DNHD1: variants seen among roughly 807,000 people sequenced by gnomAD.
DNHD1 encodes the protein dynein heavy chain domain-containing protein 1.
DNHD1 carries 383 observed loss-of-function variants against 458.1 expected under a neutral mutation model. The observed-to-expected ratio is 0.84, with a 90% CI of 0.77 to 0.91. The LOEUF (loss-of-function observed/expected upper bound fraction) is 0.91, where lower values mean the gene tolerates loss of function less well. DNHD1 is among the 40% of genes least tolerant of loss of function. The probability of loss-of-function intolerance (pLI) is 0.00; values close to 1 mark genes in which losing one functional copy is unlikely to be tolerated. For synonymous variants in DNHD1, 2,203 were observed against 2,376.9 expected, an observed-to-expected ratio of 0.93 and a Z score of 2.13; for missense variants, 5,336 against 5,866.1, an observed-to-expected ratio of 0.91 and a Z score of 2.95.
chr11:6,527,719 T>A (rs531902279), intron 10 of DNHD1, among the ~76,000 whole-genome samples: 3 of 152,102 alleles, frequency 2.0e-5, no homozygotes, highest in Non-Finnish European at 4.4e-5. Context: ...GTGAGTACAG[T>A]TGGAGAAGAG....
chr11:6,566,867 G>C, intron 35 of DNHD1, 28 bp from the exon 36 acceptor site: 1 of 1,605,564 alleles, frequency 6.2e-7, no homozygotes, highest in Non-Finnish European at 8.5e-7. Flanking sequence ...GAAAGGGCCA[G>C]ATCCATCCAA....
chr11:6,562,826 A>G (rs1853613347), intron 28 of DNHD1, among the ~76,000 whole-genome samples, 156 bp from the exon 29 acceptor site: 1 of 152,118 alleles, frequency 6.6e-6, no homozygotes, highest in South Asian at 2.1e-4. Context: ...TAAGTGACAG[A>G]CCCAGAGCTC....
chr11:6,534,676 C>G (rs936409178), intron 14 of DNHD1, among the ~76,000 whole-genome samples: 5 of 152,166 alleles, frequency 3.3e-5, no homozygotes, highest in African/African-American at 1.2e-4. Flanking sequence ...TCAATTCTTT[C>G]ATACAGTGGT....
At position 6,567,007 on chromosome 11, in the gene DNHD1, G is replaced by T. The variant is rs1322522914; in HGVS notation, c.11498G>T (p.Cys3833Phe). 2.5e-6 allele frequency: 4 copies of T among 1,614,046 alleles called. No individual in the cohort carries two copies. In the East Asian group the frequency reaches 8.9e-5, roughly 36 times the overall value. The change falls in exon 36 of 43, where the codon TGT becomes TTT. Residue 3833 changes from cysteine (C) to phenylalanine (F), a missense_variant. Physicochemically the swap from Cys to Phe is radical, Grantham distance 205. Around this residue, in one of 4 missense-constraint regions of DNHD1, gnomAD observed 695 missense variants for 804.2 expected, o/e 0.86. Transcript: ENST00000254579. ...QGKLCQLRAH[C>F]EELEGQKLQE... ...AAGCTATGCCAGCTGCGTGCTCATT[G>T]TGAAGAGTTAGAAGGGCAGAAACTA... is the stretch of plus-strand genomic sequence containing the variant.
chr11:6,538,140 G>A (rs1475923406), intron 14 of DNHD1, among the ~76,000 whole-genome samples: 3 of 152,176 alleles, frequency 2.0e-5, no homozygotes, highest in Non-Finnish European at 4.4e-5. Context: ...ACTAATTAAA[G>A]AGGAACTCTT....
chr11:6,539,897 C>G lies in DNHD1; in HGVS notation c.3442C>G (p.Arg1148Gly), dbSNP rs202125606. 2 of 1,551,746 alleles carry G rather than the reference C, an allele frequency of 1.3e-6. No homozygotes were observed. Among genetic ancestry groups the G allele is most frequent in the East Asian group, 4.9e-5 (2 of 40,916 alleles). ...INQVWQNENE[R>G]IHAQETIRRL... ...CCAGGTCTGGCAGAATGAAAATGAA[C>G]GAATTCATGCCCAAGAGACTATACG... is the stretch of plus-strand genomic sequence containing the variant. The change falls in exon 18 of 43, where the codon CGA becomes GGA. Residue 1148 changes from arginine (R) to glycine (G), a missense_variant. Arg to Gly is a moderately radical substitution (Grantham distance 125). Transcript: ENST00000254579.
chr11:6,568,749 C>T lies in DNHD1; in HGVS notation c.12746C>T (p.Ala4249Val). 6.2e-7 allele frequency: 1 copy of T among 1,613,602 alleles called. No homozygotes were observed. The highest frequency in any genetic ancestry group is 8.5e-7 in the Non-Finnish European group (1 of 1,179,776). ...GHVLIDSVEL[A>V]QQVLYMQPPT... ...GTTTTGATTGACAGTGTGGAGCTAG[C>T]CCAGCAAGTACTCTACATGCAACCC... Residue 4249 changes from alanine to valine, a missense_variant, in exon 39 of 43, where the codon GCC becomes GTC. By Grantham distance (64) the Ala-to-Val change is moderately conservative. This residue lies in a region of DNHD1 where 698 missense variants were observed against 664.9 expected (regional missense o/e 1.05). Coordinates refer to ENST00000254579, the MANE Select transcript of DNHD1 (RefSeq NM_144666.3).
At chr11:6,520,675 T>C in intron 10 of DNHD1, 1 of 1,059,012 alleles carries the variant, frequency 9.4e-7, no homozygotes, top group South Asian at 3.7e-5. Context: ...GCTCAACACT[T>C]GCTTTATGTC....
chr11:6,515,104 G>A (rs1034140325), intron 7 of DNHD1, among the ~76,000 whole-genome samples: 32 of 152,330 alleles, frequency 2.1e-4, no homozygotes, highest in African/African-American at 7.5e-4. Flanking sequence ...TGTGGGTTGA[G>A]CCCTCTTAAA....
chr11:6,549,938 C>T (rs188767304), intron 24 of DNHD1, among the ~76,000 whole-genome samples: 4 of 152,222 alleles, frequency 2.6e-5, no homozygotes, highest in East Asian at 1.9e-4. Context: ...CTAAATATGG[C>T]CATGGGATTG....
Position 6,520,349 on chromosome 11 carries a change from C to T in DNHD1, c.1837+60C>T, listed in dbSNP as rs567960376. ...CTGAAGGAGGGAAAGGGCACAAGTA[C>T]TAATGGCATGGGAAGAAGGCAGGAG... is the stretch of plus-strand genomic sequence containing the variant. On this transcript the variant is annotated intron_variant, in intron 10 of 42. Transcript: ENST00000254579. 2,089 of 1,551,136 alleles carry T rather than the reference C, an allele frequency of 1.3e-3. 7 individuals carry two copies. The highest frequency in any genetic ancestry group is 7.1e-3 in the African/African-American group (517 of 73,148).
chr11:6,534,294 C>T (rs1852893614), intron 14 of DNHD1, 121 bp downstream of exon 14: 6 of 987,148 alleles, frequency 6.1e-6, no homozygotes, highest in Non-Finnish European at 8.7e-6. Flanking sequence ...GAATCACACA[C>T]CTTCACTGGT....
chr11:6,532,690 T>C (rs1852852063), intron 12 of DNHD1, among the ~76,000 whole-genome samples: 1 of 152,098 alleles, frequency 6.6e-6, no homozygotes, highest in Admixed American at 6.5e-5. Flanking sequence ...CACCCCCACC[T>C]CTTAGCTATA....
chr11:6,567,037 A>C lies in DNHD1; in HGVS notation c.11528A>C (p.Glu3843Ala), dbSNP rs1245560523. Residue 3843 changes from glutamate (E) to alanine (A), a missense_variant, in exon 36 of 43, where the codon GAG (glutamate) becomes GCG (alanine). By Grantham distance (107) the Glu-to-Ala change is moderately radical. Around this residue, in one of 4 missense-constraint regions of DNHD1, gnomAD observed 695 missense variants for 804.2 expected, o/e 0.86. Coordinates refer to ENST00000254579, the MANE Select transcript of DNHD1 (RefSeq NM_144666.3). ...GAGTTAGAAGGGCAGAAACTACAGG[A>C]GATGGTATTGTGGGCACCCTATCGA... ...CEELEGQKLQ[E>A]MVLWAPYRPV... 6.2e-7 allele frequency: 1 copy of C among 1,614,022 alleles called. No individual in the cohort carries two copies.
chr11:6,529,100 C>T lies in DNHD1; in HGVS notation c.2326C>T (p.His776Tyr). ...TKGGLLLLSC[H>Y]DVQAEMESKL... ...AGGCGGGTTGCTGCTACTTAGCTGC[C>T]ATGATGTACAGGCAGAGATGGGTGA... The change falls in exon 12 of 43, where the codon CAT becomes TAT. Residue 776 changes from histidine to tyrosine, a missense_variant. Around this residue, in one of 4 missense-constraint regions of DNHD1, gnomAD observed 3,932 missense variants for 4,365.6 expected, o/e 0.90. Coordinates refer to ENST00000254579, the MANE Select transcript of DNHD1 (RefSeq NM_144666.3). The T allele has an allele frequency of 6.5e-7, 1 of 1,550,228 alleles. No individual in the cohort carries two copies. The highest frequency in any genetic ancestry group is 8.7e-7 in the Non-Finnish European group (1 of 1,146,912).
At chr11:6,510,169 C>T (rs1397002092) in intron 6 of DNHD1, among the ~76,000 whole-genome samples, 2 of 152,018 alleles carry the variant, frequency 1.3e-5, no homozygotes, top group South Asian at 2.1e-4. Flanking sequence ...CTGCAACCTC[C>T]TCCTCCTGGG....
At chr11:6,529,404 T>TTGGGAATCTAGGGTGCTTTCTCTCTGCA (rs1852781077) in intron 12 of DNHD1, among the ~76,000 whole-genome samples, 1 of 152,206 alleles carries the variant, frequency 6.6e-6, no homozygotes, top group Non-Finnish European at 1.5e-5. Flanking sequence ...ACAGAGATTC[T>TTGGGAATCTAGGGTGCTTTCTCTCTGCA]TGGGAATCTA....
Position 6,545,290 on chromosome 11 carries a change from C to T in DNHD1, c.4351C>T (p.Leu1451=). 1 of 1,551,740 alleles carries T rather than the reference C, an allele frequency of 6.4e-7. No homozygotes were observed. Among genetic ancestry groups the T allele is most frequent in the Non-Finnish European group, 8.7e-7 (1 of 1,147,006 alleles). Reference sequence around the variant, plus strand: ...AGATCTCCCTAAGTGGCTGGCCTCTCTGGAGAAGTGTCTGCGCTTGGCACT... The same window carrying T: ...AGATCTCCCTAAGTGGCTGGCCTCTTTGGAGAAGTGTCTGCGCTTGGCACT... ...HPDLPKWLAS[L]EKCLRLALVH... Residue 1451 remains leucine, a synonymous_variant, in exon 21 of 43, where the codon CTG becomes TTG. Transcript: ENST00000254579. The surrounding 1 kb of genome is among the most constrained non-coding windows in gnomAD (Gnocchi z 4.9).
chr11:6,540,588 G>A (rs1853078284), intron 18 of DNHD1, among the ~76,000 whole-genome samples: 1 of 152,182 alleles, frequency 6.6e-6, no homozygotes, highest in African/African-American at 2.4e-5. Context: ...ACACAATGGA[G>A]CACCTTACTG....
Sources: gnomAD v4.1 joint callset for allele counts (sites outside exome capture counted in the v4.1 genomes callset) on GRCh38, gnomAD v4.1.1 for gene constraint, gnomAD v4.1.1 regional missense constraint, Gnocchi (gnomAD v3.1) non-coding constraint, MANE v1.5 for transcripts, NCBI Gene and HGNC (gene_info 2026-07-23, HGNC 2026-07-21) for gene names.